DNAAF9: variants seen among roughly 807,000 people sequenced by gnomAD.
DNAAF9 encodes the protein dynein axonemal assembly factor 9, also known as shulin.
A neutral mutation model predicts 167.0 loss-of-function variants in DNAAF9; 90 were observed. That is an observed-to-expected ratio of 0.54 (90% CI 0.45 to 0.64). DNAAF9 has a LOEUF of 0.64. Among genes scored for constraint, DNAAF9 ranks in the 30% least tolerant of loss-of-function variants. The pLI is 0.00. For synonymous variants in DNAAF9, 491 were observed against 508.8 expected, an observed-to-expected ratio of 0.96 and a Z score of 0.47; for missense variants, 1,315 against 1,442.2, an observed-to-expected ratio of 0.91 and a Z score of 1.43.
chr20:3,323,890 G>A (rs150710118), intron 14 of DNAAF9, among the ~76,000 whole-genome samples: 1 of 152,362 alleles, frequency 6.6e-6, no homozygotes, highest in East Asian at 1.9e-4. Context: ...GTAGCTGAAG[G>A]AGCAGATACA....
chr20:3,307,079 G>A, intron 20 of DNAAF9: 1 of 985,274 alleles, frequency 1.0e-6, no homozygotes, highest in African/African-American at 1.7e-5. Context: ...GAAGCTTCCA[G>A]AAAAAAGCAC....
intron 31 of DNAAF9, among the ~76,000 whole-genome samples, chr20:3,264,232 G>T (rs930639748): frequency 6.6e-6 from 1 of 152,214 alleles, no homozygotes; most frequent in Admixed American, 6.5e-5. Flanking sequence ...ATCTAAGAAG[G>T]CTCGCAGTTT....
At chr20:3,374,722 C>T (rs138520129) in intron 5 of DNAAF9, among the ~76,000 whole-genome samples, 38 of 152,256 alleles carry the variant, frequency 2.5e-4, no homozygotes, top group African/African-American at 8.4e-4. Flanking sequence ...TTTCTTATTA[C>T]CAAGATGCCC....
chr20:3,329,109 A>G (rs2069772820), intron 12 of DNAAF9, among the ~76,000 whole-genome samples: 1 of 151,912 alleles, frequency 6.6e-6, no homozygotes, highest in African/African-American at 2.4e-5. Context: ...ACCTCATGTG[A>G]TCCACCCGCC....
chr20:3,361,095 A>T (rs1461821281), intron 6 of DNAAF9, among the ~76,000 whole-genome samples: 1 of 152,142 alleles, frequency 6.6e-6, no homozygotes, highest in East Asian at 1.9e-4. Context: ...ACTCTTTCCA[A>T]CCTTACCTGA....
intron 20 of DNAAF9, 133 bp from the exon 21 acceptor site, chr20:3,304,676 G>C: frequency 1.6e-6 from 1 of 613,476 alleles, no homozygotes; most frequent in Admixed American, 3.1e-5. Context: ...TTTGTATGCT[G>C]AGCCCTGTGC....
chr20:3,371,895 A>G (rs1217458852), intron 6 of DNAAF9, among the ~76,000 whole-genome samples: 2 of 152,192 alleles, frequency 1.3e-5, no homozygotes, highest in African/African-American at 4.8e-5. Context: ...TGGGAGAGTA[A>G]GAAGGAGGAA....
At chr20:3,280,459 G>A (rs1217375081) in intron 28 of DNAAF9, among the ~76,000 whole-genome samples, 1 of 151,740 alleles carries the variant, frequency 6.6e-6, no homozygotes, top group Non-Finnish European at 1.5e-5. Flanking sequence ...CAGCTACTCG[G>A]GAGGCTGAGG....
At chr20:3,393,280 T>C (rs917499400) in intron 1 of DNAAF9, among the ~76,000 whole-genome samples, 5 of 152,078 alleles carry the variant, frequency 3.3e-5, no homozygotes, top group Non-Finnish European at 7.4e-5. Context: ...TGGGTTCAAG[T>C]GATTCTCCTG....
At chr20:3,297,516 C>T (rs2069102792) in intron 22 of DNAAF9, among the ~76,000 whole-genome samples, 1 of 152,194 alleles carries the variant, frequency 6.6e-6, no homozygotes, top group Non-Finnish European at 1.5e-5. Context: ...AGAATTCCCA[C>T]TAGTCATGAG....
At chr20:3,252,728 G>A (rs2068214423) in intron 36 of DNAAF9, 44 bp from the exon 37 acceptor site, 1 of 1,227,914 alleles carries the variant, frequency 8.1e-7, no homozygotes, top group Non-Finnish European at 1.2e-6. Flanking sequence ...TGGAGGACAA[G>A]GGAGGCTGCC....
intron 21 of DNAAF9, among the ~76,000 whole-genome samples, chr20:3,303,477 A>C (rs1391970207): frequency 6.6e-6 from 1 of 152,154 alleles, no homozygotes; most frequent in Non-Finnish European, 1.5e-5. Flanking sequence ...TTATCATCCC[A>C]GTACTGTGCT....
At chr20:3,359,424 T>C in intron 7 of DNAAF9, 92 bp downstream of exon 7, 1 of 862,598 alleles carries the variant, frequency 1.2e-6, no homozygotes, top group Non-Finnish European at 1.9e-6. Flanking sequence ...CAAACTAAAA[T>C]ATCCTTTGCA....
intron 11 of DNAAF9, among the ~76,000 whole-genome samples, chr20:3,332,058 C>A (rs1600801154): frequency 6.6e-6 from 1 of 152,232 alleles, no homozygotes; most frequent in South Asian, 2.1e-4. Context: ...CATGGTTAGA[C>A]TTAATGTAGG....
chr20:3,278,649 G>A (rs2068712768), intron 29 of DNAAF9, among the ~76,000 whole-genome samples: 1 of 152,132 alleles, frequency 6.6e-6, no homozygotes, highest in Admixed American at 6.5e-5. Flanking sequence ...AACCTGGGAG[G>A]CAGAGGTTGC....
Position 3,270,499 on chromosome 20 carries a change from T to TGAACAAGGAGAGGGTGCCGCTGC in DNAAF9, c.2691_2713dup (p.Gln905ArgfsTer39). 1 of 1,612,858 alleles carries TGAACAAGGAGAGGGTGCCGCTGC rather than the reference T, an allele frequency of 6.2e-7. No homozygotes were observed. Among genetic ancestry groups the TGAACAAGGAGAGGGTGCCGCTGC allele is most frequent in the Non-Finnish European group, 8.5e-7 (1 of 1,179,018 alleles). On this transcript the variant is annotated frameshift_variant, in exon 30 of 37. Coordinates refer to ENST00000252032, the MANE Select transcript of DNAAF9 (RefSeq NM_001009984.3). LOFTEE classifies it high-confidence loss of function. ...GGCAGCCCTGATGAGGCTCTGCAGC[T>TGAACAAGGAGAGGGTGCCGCTGC]GAACAAGGAGAGGGTGCCGCTGCTC...
chr20:3,351,588 A>C (rs775936498), intron 7 of DNAAF9, among the ~76,000 whole-genome samples: 1 of 152,314 alleles, frequency 6.6e-6, no homozygotes. Flanking sequence ...GAGAAAACCT[A>C]CAGATTAAAA....
intron 7 of DNAAF9, among the ~76,000 whole-genome samples, chr20:3,352,134 A>G (rs1404027487): frequency 2.0e-5 from 3 of 152,122 alleles, no homozygotes; most frequent in Non-Finnish European, 2.9e-5. Flanking sequence ...AGAAAACAGA[A>G]TAAGAATCAC....
chr20:3,253,200 A>G (rs911601826), intron 36 of DNAAF9, among the ~76,000 whole-genome samples: 1 of 152,068 alleles, frequency 6.6e-6, no homozygotes, highest in Non-Finnish European at 1.5e-5. Context: ...CCAGCACTTC[A>G]GGAGGCTGAG....
Sources: gnomAD v4.1 joint callset for allele counts (sites outside exome capture counted in the v4.1 genomes callset) on GRCh38, gnomAD v4.1.1 for gene constraint, MANE v1.5 for transcripts, NCBI Gene and HGNC (gene_info 2026-07-23, HGNC 2026-07-21) for gene names.